TTLL6: variants seen among roughly 807,000 people sequenced by gnomAD.
TTLL6 encodes the protein tubulin polyglutamylase TTLL6.
In TTLL6, 75 loss-of-function variants were observed where a neutral mutation model predicts 96.4. The observed-to-expected ratio is 0.78, with a 90% CI of 0.65 to 0.94. The LOEUF is 0.94. TTLL6 is among the 40% of genes least tolerant of loss of function. The probability of loss-of-function intolerance (pLI) is 0.00; values close to 1 mark genes in which losing one functional copy is unlikely to be tolerated. For missense variants in TTLL6, 1,030 were observed against 1,093.0 expected (o/e 0.94, Z 0.81); for synonymous variants, 411 against 419.4 (o/e 0.98, Z 0.24).
Position 48,786,300 on chromosome 17 carries a change from T to G in TTLL6, c.1625A>C (p.Lys542Thr), listed in dbSNP as rs1358120187. The G allele has an allele frequency of 6.2e-7, 1 of 1,614,132 alleles. No individual in the cohort carries two copies. The highest frequency in any genetic ancestry group is 8.5e-7 in the Non-Finnish European group (1 of 1,180,058). ...LIQELRLKRE[K>T]KPFQMKKKVE... ...CTTCTTCTTCATTTGGAAGGGCTTTTTCTCCCGTTTTAGTCTCAGCTCCTG... is the reference window on the plus strand; with the variant it reads ...CTTCTTCTTCATTTGGAAGGGCTTTGTCTCCCGTTTTAGTCTCAGCTCCTG... The change falls in exon 12 of 16, where the codon AAA (lysine) becomes ACA (threonine). Residue 542 changes from lysine (K) to threonine (T), a missense_variant. By Grantham distance (78) the Lys-to-Thr change is moderately conservative. Coordinates refer to ENST00000393382, the MANE Select transcript of TTLL6 (RefSeq NM_001130918.3).
At chr17:48,796,793 C>A (rs1255678470) in intron 7 of TTLL6, among the ~76,000 whole-genome samples, 1 of 152,080 alleles carries the variant, frequency 6.6e-6, no homozygotes, top group African/African-American at 2.4e-5. Flanking sequence ...TCAGGCAGAC[C>A]TGGCCACAAG....
chr17:48,816,883 A>C, intron 1 of TTLL6, 87 bp downstream of exon 1: 1 of 1,049,338 alleles, frequency 9.5e-7, no homozygotes, highest in Non-Finnish European at 1.3e-6. Flanking sequence ...GTGTGGGTTT[A>C]AGGAGACGTG....
intron 6 of TTLL6, among the ~76,000 whole-genome samples, chr17:48,798,566 CA>C (rs1041811972): frequency 3.3e-5 from 5 of 151,280 alleles, no homozygotes; most frequent in African/African-American, 7.3e-5. Context: ...GGCTCTGTCT[CA>C]AAAAAAATAA....
At chr17:48,812,752 G>A (rs1336292109) in intron 1 of TTLL6, among the ~76,000 whole-genome samples, 1 of 152,188 alleles carries the variant, frequency 6.6e-6, no homozygotes, top group Non-Finnish European at 1.5e-5. Flanking sequence ...TATGCTCCTT[G>A]AATTAATGGG....
In TTLL6 at chr17:48,804,875, G is replaced by C; in HGVS notation, c.220C>G (p.Pro74Ala). 1 of 1,552,238 alleles carries C rather than the reference G, an allele frequency of 6.4e-7. No individual in the cohort carries two copies. Reference sequence around the variant, plus strand: ...AAAGCCAGCGCGACGGTTTCTTTTGGATCTTCTTTGGAACTGTCCCCCTTC... The same window carrying C: ...AAAGCCAGCGCGACGGTTTCTTTTGCATCTTCTTTGGAACTGTCCCCCTTC... ...EEKGDSSKED[P>A]KETVALAFVR... The change falls in exon 2 of 16, where the codon CCA (proline) becomes GCA (alanine). Residue 74 changes from proline to alanine, a missense_variant. Physicochemically the swap from Pro to Ala is conservative, Grantham distance 27. Coordinates refer to ENST00000393382, the MANE Select transcript of TTLL6 (RefSeq NM_001130918.3).
At chr17:48,769,629 CCCT>C (rs1169166676) in intron 14 of TTLL6, 96 bp downstream of exon 14, 1 of 1,442,082 alleles carries the variant, frequency 6.9e-7, no homozygotes, top group East Asian at 2.3e-5. Context: ...GGGCTGTCCC[CCCT>C]CCAAAGACTG....
In TTLL6 at chr17:48,787,986, T is replaced by C; in HGVS notation, c.1414A>G (p.Lys472Glu). The C allele has an allele frequency of 5.6e-6, 9 of 1,613,918 alleles. No homozygotes were observed. Among genetic ancestry groups the C allele is most frequent in the Non-Finnish European group, 7.6e-6 (9 of 1,179,918 alleles). ...TTTAACTGCACGGCCCGGAAACCCT[T>C]GGCTTCCTCAATCCTGTTGGGAAGC... ...CSREMRIEEA[K>E]GFRAVQLKKT... is the part of the protein sequence containing the mutation. The change falls in exon 11 of 16, where the codon AAG becomes GAG. Residue 472 changes from lysine (K) to glutamate (E), a missense_variant. By Grantham distance (56) the Lys-to-Glu change is moderately conservative (BLOSUM62 1). Coordinates refer to ENST00000393382, the MANE Select transcript of TTLL6 (RefSeq NM_001130918.3).
At chr17:48,807,971 T>C (rs1470352378) in intron 1 of TTLL6, among the ~76,000 whole-genome samples, 2 of 152,196 alleles carry the variant, frequency 1.3e-5, no homozygotes, top group Non-Finnish European at 2.9e-5. Flanking sequence ...CCCAAGTAGC[T>C]GGGATTACAG....
At chr17:48,795,946 A>G in intron 8 of TTLL6, 115 bp downstream of exon 8, 1 of 797,382 alleles carries the variant, frequency 1.3e-6, no homozygotes. Context: ...ATATTCTCAG[A>G]CCATGTGACC....
At chr17:48,799,956 G>C (rs2039381389) in intron 5 of TTLL6, 196 bp from the exon 6 acceptor site, 2 of 582,826 alleles carry the variant, frequency 3.4e-6, no homozygotes, top group African/African-American at 1.9e-5. Context: ...GGGAATTCAG[G>C]CCTGGGTTGA....
Position 48,775,520 on chromosome 17 carries a change from CTATTAT to C in TTLL6, c.2041-5429_2041-5424del, listed in dbSNP as rs369248868. On this transcript the variant is annotated intron_variant, in intron 13 of 15. Transcript: ENST00000393382. Reference sequence around the variant, plus strand: ...GCACTTGACAAGGTTCAACATCCATCTATTATTATTATTATTATTATTATTATTATT... The same window carrying C: ...GCACTTGACAAGGTTCAACATCCATCTATTATTATTATTATTATTATTATT... 5.8e-3 allele frequency among the ~76,000 whole-genome samples: 826 copies of C among 143,256 alleles called. 5 individuals are homozygous for C. The highest frequency in any genetic ancestry group is 0.018 in the African/African-American group (721 of 39,198). The allele number at this position is 143,256 out of a possible 152,430, so 94.0% of individuals were successfully genotyped here. A position where few individuals can be genotyped will look rare whatever the true frequency, so the allele number is the denominator to read the frequency against.
At chr17:48,793,851 T>G (rs1380693079) in intron 8 of TTLL6, among the ~76,000 whole-genome samples, 1 of 152,108 alleles carries the variant, frequency 6.6e-6, no homozygotes, top group Non-Finnish European at 1.5e-5. Context: ...ATGTAAATTA[T>G]CACTAGGAAA....
chr17:48,788,970 C>G (rs916028003), intron 10 of TTLL6, among the ~76,000 whole-genome samples: 8 of 152,096 alleles, frequency 5.3e-5, no homozygotes, highest in African/African-American at 1.7e-4. Flanking sequence ...ATCCCCTTGA[C>G]TAGGCTCAGA....
chr17:48,803,263 G>A (rs904865114), intron 3 of TTLL6, among the ~76,000 whole-genome samples: 2 of 152,172 alleles, frequency 1.3e-5, no homozygotes, highest in African/African-American at 4.8e-5. Flanking sequence ...GGGAGGCCGA[G>A]GCGGGTGGAT....
At position 48,804,905 on chromosome 17, in the gene TTLL6, C is replaced by T. The variant is rs759614569; in HGVS notation, c.190G>A (p.Glu64Lys). ...TCTTTGGAACTGTCCCCCTTCTCTTCGGAGTTTTCCCCTTCCTGGCTTTCC... is the reference window on the plus strand; with the variant it reads ...TCTTTGGAACTGTCCCCCTTCTCTTTGGAGTTTTCCCCTTCCTGGCTTTCC... ...TLESQEGENS[E>K]EKGDSSKEDP... Residue 64 changes from glutamate (E) to lysine (K), a missense_variant, in exon 2 of 16, where the codon GAA (glutamate) becomes AAA (lysine). Coordinates refer to ENST00000393382, the MANE Select transcript of TTLL6 (RefSeq NM_001130918.3). The T allele has an allele frequency of 5.8e-6, 9 of 1,552,090 alleles. No individual in the cohort carries two copies. Among genetic ancestry groups the T allele is most frequent in the East Asian group, 2.4e-5 (1 of 40,934 alleles).
chr17:48,801,683 G>A (rs1465887611), intron 3 of TTLL6, 40 bp from the exon 4 acceptor site: 39 of 1,494,700 alleles, frequency 2.6e-5, no homozygotes, highest in Non-Finnish European at 3.6e-5. Flanking sequence ...AGGAAGTGGG[G>A]GAGGAGTATG....
At chr17:48,802,659 T>G (rs2039445141) in intron 3 of TTLL6, among the ~76,000 whole-genome samples, 1 of 152,110 alleles carries the variant, frequency 6.6e-6, no homozygotes, top group African/African-American at 2.4e-5. Flanking sequence ...TCACCTGAGG[T>G]CAGGAGTTCG....
chr17:48,791,174 A>G (rs573001972), intron 9 of TTLL6, among the ~76,000 whole-genome samples: 26 of 152,294 alleles, frequency 1.7e-4, no homozygotes, highest in African/African-American at 5.8e-4. Flanking sequence ...TCAAGAAGGC[A>G]AAGGAATTCT....
chr17:48,794,522 A>G (rs2039285191), intron 8 of TTLL6, among the ~76,000 whole-genome samples: 1 of 152,136 alleles, frequency 6.6e-6, no homozygotes, highest in African/African-American at 2.4e-5. Context: ...GGGACTACAA[A>G]CTAGACCTCC....
Sources: gnomAD v4.1 joint callset for allele counts (sites outside exome capture counted in the v4.1 genomes callset) on GRCh38, gnomAD v4.1.1 for gene constraint, MANE v1.5 for transcripts, NCBI Gene and HGNC (gene_info 2026-07-23, HGNC 2026-07-21) for gene names.